Variants in KNTC1 observed in about 807,000 individuals in gnomAD.
KNTC1 encodes kinetochore associated 1, also known as kinetochore-associated protein 1.
In KNTC1, 253 loss-of-function variants were observed where a neutral mutation model predicts 314.4. The ratio of observed to expected loss-of-function variants is 0.80; its 90% CI spans 0.73 to 0.89. The LOEUF is 0.89. Ranked by LOEUF, KNTC1 falls within the 40% of genes least tolerant of loss-of-function variation. KNTC1 has a pLI of 0.00. For missense variants in KNTC1, 2,475 were observed against 2,572.9 expected (o/e 0.96, Z 0.82); for synonymous variants, 901 against 901.4 (o/e 1.00, Z 0.01).
chr12:122,608,240 G>T (rs1302531878), intron 51 of KNTC1, among the ~76,000 whole-genome samples: 1 of 152,130 alleles, frequency 6.6e-6, no homozygotes, highest in Non-Finnish European at 1.5e-5. Flanking sequence ...CTCCAGAGTA[G>T]CTGGGACTGC....
intron 8 of KNTC1, among the ~76,000 whole-genome samples, chr12:122,544,708 C>G (rs1163721265): frequency 2.0e-5 from 3 of 152,148 alleles, no homozygotes; most frequent in Admixed American, 2.0e-4. Context: ...ACTGCTGATT[C>G]TACTGCTTTT....
chr12:122,576,819 T>C, intron 29 of KNTC1, 76 bp from the exon 30 acceptor site: 1 of 1,244,680 alleles, frequency 8.0e-7, no homozygotes, highest in Non-Finnish European at 1.1e-6. Flanking sequence ...TTTTGCCACT[T>C]TGCTCTTATA....
rs1868941406 is a variant in KNTC1 at position 122,584,460 on chromosome 12, T to G, written c.3436+10T>G. The G allele has an allele frequency of 2.5e-6, 4 of 1,587,164 alleles. No individual in the cohort carries two copies. In the African/African-American group the frequency reaches 4.1e-5, roughly 16 times the overall value. On this transcript the variant is annotated intron_variant, in intron 35 of 63. Transcript: ENST00000333479. Reference sequence around the variant, plus strand: ...ACCATTTGCAGTCCAGGTGACAATATTTATAATATACGTAGTTTTATATTC... The same window carrying G: ...ACCATTTGCAGTCCAGGTGACAATAGTTATAATATACGTAGTTTTATATTC...
chr12:122,579,087 C>T (rs1325504174), intron 31 of KNTC1, among the ~76,000 whole-genome samples: 10 of 82,698 alleles, frequency 1.2e-4, no homozygotes, highest in Admixed American at 6.6e-4. Flanking sequence ...TTTTTTGAGA[C>T]GGAGTCTCGC....
In KNTC1 at chr12:122,624,706, T is replaced by C; in HGVS notation, c.6606+18T>C. 6.4e-7 allele frequency: 1 copy of C among 1,562,730 alleles called. No homozygotes were observed. The highest frequency in any genetic ancestry group is 1.4e-5 in the African/African-American group (1 of 73,992). On this transcript the variant is annotated intron_variant, in intron 63 of 63. Transcript: ENST00000333479. ...TTCTGAAGGTAAAGCTGATGGAAAG[T>C]TCTTAGGTTCTAACTTGACATTGTT...
At chr12:122,603,004 C>A in intron 47 of KNTC1, 23 bp from the exon 48 acceptor site, 1 of 1,602,502 alleles carries the variant, frequency 6.2e-7, no homozygotes, top group Non-Finnish European at 8.5e-7. Context: ...GTGCTTCAGC[C>A]ATAACCTTCC....
At chr12:122,543,530 C>T in intron 6 of KNTC1, 70 bp from the exon 7 acceptor site, 7 of 1,157,052 alleles carry the variant, frequency 6.0e-6, no homozygotes, top group Non-Finnish European at 8.6e-6. Flanking sequence ...CACCTTGACA[C>T]AAAACAGGTG....
intron 10 of KNTC1, 97 bp from the exon 11 acceptor site, chr12:122,547,318 T>A: frequency 1.5e-6 from 1 of 659,214 alleles, no homozygotes; most frequent in Non-Finnish European, 2.7e-6. Flanking sequence ...GAGGTTGCAG[T>A]GAGCCGAGAT....
intron 59 of KNTC1, among the ~76,000 whole-genome samples, chr12:122,619,595 A>G (rs1383346522): frequency 1.3e-5 from 2 of 151,588 alleles, no homozygotes; most frequent in East Asian, 2.0e-4. Context: ...TGTATTTTTA[A>G]TAGAGACGGG....
chr12:122,546,330 G>A, intron 9 of KNTC1, 61 bp downstream of exon 9: 1 of 1,039,358 alleles, frequency 9.6e-7, no homozygotes, highest in Non-Finnish European at 1.5e-6. Flanking sequence ...TTTTATGTCA[G>A]TGTACTTAGA....
intron 20 of KNTC1, among the ~76,000 whole-genome samples, chr12:122,565,488 A>AT (rs1326993318): frequency 6.7e-6 from 1 of 149,152 alleles, no homozygotes; most frequent in South Asian, 2.1e-4. Flanking sequence ...CTAATTTGGC[A>AT]TTTTTTTAAT....
intron 31 of KNTC1, among the ~76,000 whole-genome samples, chr12:122,578,569 C>G (rs1039001269): frequency 5.9e-5 from 9 of 151,942 alleles, no homozygotes; most frequent in African/African-American, 2.2e-4. Flanking sequence ...TACAGGCGTC[C>G]GCCACCACAC....
At position 122,583,093 on chromosome 12, in the gene KNTC1, C is replaced by T. The variant is rs142701632; in HGVS notation, c.3263+108C>T. 1.7e-3 allele frequency: 1,746 copies of T among 1,003,670 alleles called. 26 individuals are homozygous for T. In the African/African-American group the frequency reaches 0.026, roughly 15 times the overall value. The allele number at this position is 1,003,670 out of a possible 1,614,324, so 62.2% of individuals were successfully genotyped here. A position where few individuals can be genotyped will look rare whatever the true frequency, so the allele number is the denominator to read the frequency against. The stretch of plus-strand genomic sequence containing the variant: ...TTAGGAGGCCGAGGCAGGCGGATCA[C>T]AAGGTCAGGAGATCAAGACCATCCT... On this transcript the variant is annotated intron_variant, in intron 34 of 63. Coordinates refer to ENST00000333479, the MANE Select transcript of KNTC1 (RefSeq NM_014708.6).
intron 44 of KNTC1, among the ~76,000 whole-genome samples, chr12:122,599,065 A>G (rs1408124631): frequency 2.0e-5 from 3 of 152,160 alleles, no homozygotes; most frequent in African/African-American, 7.2e-5. Context: ...TGGCTGGGTA[A>G]ATTTTATTAT....
At chr12:122,541,482 G>A (rs1167139793) in intron 5 of KNTC1, among the ~76,000 whole-genome samples, 1 of 151,338 alleles carries the variant, frequency 6.6e-6, no homozygotes, top group East Asian at 2.0e-4. Flanking sequence ...GAGTAGCTGG[G>A]ACTACAGGCA....
At chr12:122,625,602 C>T (rs577681458) in intron 63 of KNTC1, among the ~76,000 whole-genome samples, 1 of 148,476 alleles carries the variant, frequency 6.7e-6, no homozygotes, top group African/African-American at 2.5e-5. Flanking sequence ...AAAAAAAAAA[C>T]AAAGGAAAAA....
intron 13 of KNTC1, among the ~76,000 whole-genome samples, chr12:122,550,561 C>T (rs952922458): frequency 1.5e-4 from 23 of 152,028 alleles, no homozygotes; most frequent in African/African-American, 4.1e-4. Flanking sequence ...GTAGTACCGT[C>T]GCTCAATCAT....
chr12:122,566,851 TCCCAAGCTCTGCCA>T (rs1964381965), intron 20 of KNTC1, among the ~76,000 whole-genome samples: 1 of 130,484 alleles, frequency 7.7e-6, no homozygotes, highest in African/African-American at 2.9e-5. Flanking sequence ...AGCTTCAGCC[TCCCAAGCTCTGCCA>T]CCCAAGTAGC....
intron 6 of KNTC1, among the ~76,000 whole-genome samples, chr12:122,543,386 A>G (rs1565937377): frequency 6.6e-6 from 1 of 152,198 alleles, no homozygotes; most frequent in Non-Finnish European, 1.5e-5. Flanking sequence ...CTTAGTAGGA[A>G]GAGAGGTGGT....
Sources: gnomAD v4.1 joint callset for allele counts (sites outside exome capture counted in the v4.1 genomes callset) on GRCh38, gnomAD v4.1.1 for gene constraint, MANE v1.5 for transcripts, NCBI Gene and HGNC (gene_info 2026-07-23, HGNC 2026-07-21) for gene names.